SPON2: variants seen among roughly 807,000 people sequenced by gnomAD.
The protein encoded by SPON2 is spondin 2, also known as spondin-2.
A neutral mutation model predicts 29.9 loss-of-function variants in SPON2; 32 were observed. The observed-to-expected ratio is 1.07, with a 90% CI of 0.81 to 1.44. The LOEUF is 1.44. Ranked by LOEUF, SPON2 falls within the 40% of genes most tolerant of loss-of-function variation. SPON2 has a pLI of 0.00. For missense variants in SPON2, 541 were observed against 455.5 expected (o/e 1.19, Z -1.71); for synonymous variants, 248 against 209.1 (o/e 1.19, Z -1.61).
intron 1 of SPON2, chr4:1,201,301 C>A (rs1412932770): frequency 2.7e-6 from 1 of 368,562 alleles, no homozygotes; most frequent in Non-Finnish European, 5.6e-6. Flanking sequence ...GAGTCCCCAG[C>A]CCACTGGCTT....
chr4:1,205,908 G>A (rs1193005666), intron 1 of SPON2, among the ~76,000 whole-genome samples: 1 of 152,186 alleles, frequency 6.6e-6, no homozygotes, highest in Non-Finnish European at 1.5e-5. Context: ...CCTGGGGGTT[G>A]GGGCCGCAGG....
chr4:1,196,974 G>A (rs373894511), upstream of SPON2: 11 of 152,420 alleles, frequency 7.2e-5, no homozygotes, highest in African/African-American at 2.6e-4. Flanking sequence ...CAGCATGTCT[G>A]GTTGGGCATG....
upstream of SPON2, among the ~76,000 whole-genome samples, chr4:1,176,482 A>T (rs1727597653): frequency 6.6e-6 from 1 of 152,146 alleles, no homozygotes; most frequent in African/African-American, 2.4e-5. Flanking sequence ...TCATCCATTC[A>T]CACAGTACAT....
rs746452833 is a variant in SPON2 at position 1,170,408 on chromosome 4, C to T, written c.805G>A (p.Ala269Thr). 9.3e-6 allele frequency: 15 copies of T among 1,612,584 alleles called. 1 individual carries two copies. Among genetic ancestry groups the T allele is most frequent in the African/African-American group, 5.3e-5 (4 of 74,802 alleles). ...PSRDNEIVDS[A>T]SVPETPLDCE... is the part of the protein sequence containing the mutation. ...TGACCTGTATGTCCGTTACCTGAGG[C>T]GCTGTCTACAATCTCATTGTCCCTG... The change falls in exon 5 of 6, where the codon GCC (alanine) becomes ACC (threonine). Residue 269 changes from alanine (A) to threonine (T), a missense_variant. Physicochemically the swap from Ala to Thr is moderately conservative, Grantham distance 58 (BLOSUM62 0). Coordinates refer to ENST00000290902, the MANE Select transcript of SPON2 (RefSeq NM_012445.4).
chr4:1,200,757 G>T (rs761295903), intron 1 of SPON2: 1 of 453,690 alleles, frequency 2.2e-6, no homozygotes, highest in South Asian at 1.6e-5. Flanking sequence ...AGCGAGGAGA[G>T]GGTGGGTGCA....
At chr4:1,190,736 T>C (rs889657319) in intron 1 of SPON2, among the ~76,000 whole-genome samples, 6 of 152,186 alleles carry the variant, frequency 3.9e-5, no homozygotes, top group East Asian at 1.9e-4. Flanking sequence ...TGCAAAAACA[T>C]TGGAGCTGAG....
At chr4:1,170,246 A>C (rs1232388290) in intron 5 of SPON2, 156 bp downstream of exon 5, 7 of 728,310 alleles carry the variant, frequency 9.6e-6, no homozygotes, top group Non-Finnish European at 1.2e-5. Flanking sequence ...TCAGTGTGTG[A>C]ATCAACAGAA....
upstream of SPON2, chr4:1,197,165 T>C (rs1343667743): frequency 6.6e-6 from 1 of 152,180 alleles, no homozygotes; most frequent in Non-Finnish European, 1.5e-5. Context: ...GACAGATCAA[T>C]ATGGATGGTC....
chr4:1,167,420 C>A lies in SPON2; in HGVS notation c.*52G>T, dbSNP rs1487256718. 8 of 1,555,384 alleles carry A rather than the reference C, an allele frequency of 5.1e-6. No homozygotes were observed. Among genetic ancestry groups the A allele is most frequent in the Non-Finnish European group, 7.0e-6 (8 of 1,144,714 alleles). On this transcript the variant is annotated 3_prime_UTR_variant, in exon 6 of 6. Coordinates refer to ENST00000290902, the MANE Select transcript of SPON2 (RefSeq NM_012445.4). ...CCTGCAGCATGAGCCTGCACAGGAGCCCCCGACACCCCATGGCTCCGGGGG... is the reference window on the plus strand; with the variant it reads ...CCTGCAGCATGAGCCTGCACAGGAGACCCCGACACCCCATGGCTCCGGGGG...
Position 1,194,393 on chromosome 4 carries a change from G to GC in SPON2, c.-239+596dup, listed in dbSNP as rs769764388. ...CCCCAGGGTGGGAGGCCTGGGACCA[G>GC]CCCCCGGGGGACAGCGACGGCCCCA... On this transcript the variant is annotated intron_variant, in intron 1 of 3. Coordinates refer to the SPON2 transcript ENST00000502483. 1.1e-3 allele frequency among the ~76,000 whole-genome samples: 167 copies of GC among 152,254 alleles called. 2 individuals carry two copies. The highest frequency in any genetic ancestry group is 2.1e-3 in the African/African-American group (88 of 41,552).
At chr4:1,203,370 C>T (rs1026709573) in intron 1 of SPON2, among the ~76,000 whole-genome samples, 5 of 152,186 alleles carry the variant, frequency 3.3e-5, no homozygotes, top group African/African-American at 9.6e-5. Flanking sequence ...TGGCCGTCTG[C>T]GTCTGACCTC....
rs1297203196 is a variant in SPON2, at chr4:1,202,522, C to A, written c.-234+5358G>T. On this transcript the variant is annotated intron_variant, in intron 1 of 3. Transcript: ENST00000509233. This position sits in a 1 kb window ranked among gnomAD's most constrained non-coding sequence, Gnocchi z 5.4. Reference sequence around the variant, plus strand: ...ACAGGGGATGATCTTGGACTCCCTGCCCACCTTCCAGACACATGGGGGCAG... The same window carrying A: ...ACAGGGGATGATCTTGGACTCCCTGACCACCTTCCAGACACATGGGGGCAG... Among the ~76,000 whole-genome samples the A allele has an allele frequency of 6.6e-6, 1 of 152,306 alleles. No individual in the cohort carries two copies. The highest frequency in any genetic ancestry group is 1.5e-5 in the Non-Finnish European group (1 of 68,018).
intron 1 of SPON2, among the ~76,000 whole-genome samples, chr4:1,186,978 A>G (rs1413403327): frequency 6.6e-6 from 1 of 152,262 alleles, no homozygotes; most frequent in Non-Finnish European, 1.5e-5. Flanking sequence ...GAGTTCCTCA[A>G]AAAATTAGAA....
chr4:1,193,407 G>GC (rs5855695), intron 1 of SPON2, among the ~76,000 whole-genome samples: 38,933 of 150,918 alleles, frequency 0.26, 6,231 homozygotes, highest in East Asian at 0.4. Context: ...TCTCTCCAGA[G>GC]CCCCCCCAGT....
At chr4:1,189,639 A>G (rs1727866821) in intron 1 of SPON2, among the ~76,000 whole-genome samples, 2 of 53,240 alleles carry the variant, frequency 3.8e-5, no homozygotes, top group Admixed American at 2.4e-4. Flanking sequence ...ACCCTGTCTC[A>G]AAAAAAAAAA....
chr4:1,188,202 C>CAAAAAA (rs1164276990), intron 1 of SPON2, among the ~76,000 whole-genome samples: 72 of 36,460 alleles, frequency 2.0e-3, no homozygotes, highest in Non-Finnish European at 2.4e-3. Flanking sequence ...GACTCCGTCT[C>CAAAAAA]AAAAAAAAAA....
chr4:1,178,801 G>T (rs951616965), intron 2 of SPON2, among the ~76,000 whole-genome samples: 1 of 152,168 alleles, frequency 6.6e-6, no homozygotes, highest in African/African-American at 2.4e-5. Flanking sequence ...GAGGGTTGAA[G>T]AGAGACTGTG....
At chr4:1,208,785 T>A (rs933889588), upstream of SPON2, 6 of 152,350 alleles carry the variant, frequency 3.9e-5, no homozygotes, top group African/African-American at 1.4e-4. Context: ...GCTCTGGTTT[T>A]ACCCATGAGG....
chr4:1,180,338 T>C (rs1560206008), intron 1 of SPON2, among the ~76,000 whole-genome samples: 1 of 152,168 alleles, frequency 6.6e-6, no homozygotes, highest in East Asian at 1.9e-4. Flanking sequence ...TGGTAGATAA[T>C]ACAGATTTTG....
Sources: gnomAD v4.1 joint callset for allele counts (sites outside exome capture counted in the v4.1 genomes callset) on GRCh38, gnomAD v4.1.1 for gene constraint, Gnocchi (gnomAD v3.1) non-coding constraint, MANE v1.5 for transcripts, NCBI Gene and HGNC (gene_info 2026-07-23, HGNC 2026-07-21) for gene names.